Variants in UBE2E2 observed in about 807,000 individuals in gnomAD.
UBE2E2 encodes the protein ubiquitin-conjugating enzyme E2 E2.
Under a neutral mutation model 24.7 loss-of-function variants are expected in UBE2E2, and 6 were observed. The ratio of observed to expected loss-of-function variants is 0.24; its 90% CI spans 0.13 to 0.48. UBE2E2 has a LOEUF of 0.48. Among genes scored for constraint, UBE2E2 ranks in the 20% least tolerant of loss-of-function variants. The pLI is 0.99. For missense variants in UBE2E2, 169 were observed against 245.0 expected, an observed-to-expected ratio of 0.69 and a Z score of 2.07; for synonymous variants, 104 against 83.6, an observed-to-expected ratio of 1.24 and a Z score of -1.33.
At chr3:23,203,539 C>G (rs1023414446) in intron 1 of UBE2E2, 75 bp downstream of exon 1, 2 of 881,474 alleles carry the variant, frequency 2.3e-6, no homozygotes, top group Non-Finnish European at 2.7e-6. Flanking sequence ...CTCACTCCCC[C>G]GACCTCCCCT....
chr3:23,584,713 C>G (rs1240742884), intron 5 of UBE2E2, among the ~76,000 whole-genome samples: 6 of 150,180 alleles, frequency 4.0e-5, no homozygotes, highest in Admixed American at 4.0e-4. Context: ...GCCACCACAC[C>G]CAGCTGTTTT....
chr3:23,496,921 A>G lies in UBE2E2; in HGVS notation c.228-2687A>G, dbSNP rs149334220. 7.0e-3 allele frequency among the ~76,000 whole-genome samples: 1,064 copies of G among 152,304 alleles called. 12 individuals are homozygous for G. Among genetic ancestry groups the G allele is most frequent in the African/African-American group, 0.025 (1,024 of 41,560 alleles). ...CAAATTTAACTACTAATAATACCCT[A>G]CTTTTGACAAGAAGCCTTACTCATA... On this transcript the variant is annotated intron_variant, in intron 3 of 5. Coordinates refer to ENST00000396703, the MANE Select transcript of UBE2E2 (RefSeq NM_152653.4).
intron 3 of UBE2E2, among the ~76,000 whole-genome samples, chr3:23,470,503 G>A (rs2125433588): frequency 6.6e-6 from 1 of 152,222 alleles, no homozygotes; most frequent in East Asian, 1.9e-4. Flanking sequence ...CATCTTATTT[G>A]TAAGTTCTCT....
chr3:23,301,182 C>A (rs903427696), intron 3 of UBE2E2, among the ~76,000 whole-genome samples: 2 of 152,080 alleles, frequency 1.3e-5, no homozygotes, highest in Non-Finnish European at 2.9e-5. Context: ...GTTATCCATT[C>A]GTCTAATTTT....
At chr3:23,392,711 C>T (rs924185931) in intron 3 of UBE2E2, among the ~76,000 whole-genome samples, 3 of 152,044 alleles carry the variant, frequency 2.0e-5, no homozygotes, top group Non-Finnish European at 4.4e-5. Context: ...AAAATGTTAG[C>T]TCTTTTTATT....
At chr3:23,525,928 C>T (rs1375843623) in intron 4 of UBE2E2, among the ~76,000 whole-genome samples, 2 of 152,190 alleles carry the variant, frequency 1.3e-5, no homozygotes, top group Non-Finnish European at 2.9e-5. Context: ...TGTCACTATT[C>T]AAAACATTAT....
At chr3:23,534,860 A>G (rs1695213647) in intron 5 of UBE2E2, among the ~76,000 whole-genome samples, 2 of 152,242 alleles carry the variant, frequency 1.3e-5, no homozygotes, top group South Asian at 4.1e-4. Flanking sequence ...GAGCTATTTT[A>G]ACCCGGAAAT....
chr3:23,240,212 G>T (rs1371484660), intron 3 of UBE2E2, among the ~76,000 whole-genome samples: 2 of 152,130 alleles, frequency 1.3e-5, no homozygotes, highest in African/African-American at 4.8e-5. Context: ...CAGAGAATAA[G>T]GACAGTCCTT....
intron 3 of UBE2E2, among the ~76,000 whole-genome samples, chr3:23,381,714 T>C (rs1262530374): frequency 6.6e-6 from 1 of 152,242 alleles, no homozygotes; most frequent in Non-Finnish European, 1.5e-5. Context: ...TGCTGATAAC[T>C]TTTTCTGTCA....
At chr3:23,365,962 A>G (rs950961112) in intron 3 of UBE2E2, among the ~76,000 whole-genome samples, 3 of 152,310 alleles carry the variant, frequency 2.0e-5, no homozygotes, top group African/African-American at 4.8e-5. Flanking sequence ...AATGCCAGAC[A>G]TCTACAATCA....
chr3:23,460,504 A>G (rs1029199996), intron 3 of UBE2E2, among the ~76,000 whole-genome samples: 5 of 152,186 alleles, frequency 3.3e-5, no homozygotes, highest in African/African-American at 7.2e-5. Flanking sequence ...TAAGCCCTCT[A>G]TTGATAGGAA....
intron 3 of UBE2E2, among the ~76,000 whole-genome samples, chr3:23,354,215 A>G (rs1575581569): frequency 6.6e-6 from 1 of 152,040 alleles, no homozygotes; most frequent in Non-Finnish European, 1.5e-5. Context: ...TCCCTTCCTT[A>G]CACCTTATAC....
At chr3:23,394,361 A>G (rs1697025866) in intron 3 of UBE2E2, among the ~76,000 whole-genome samples, 2 of 152,218 alleles carry the variant, frequency 1.3e-5, no homozygotes, top group South Asian at 4.1e-4. Context: ...GAAATTGTGT[A>G]AATGGTCTGC....
intron 4 of UBE2E2, among the ~76,000 whole-genome samples, chr3:23,521,632 C>T (rs1249750943): frequency 1.3e-5 from 2 of 152,202 alleles, no homozygotes; most frequent in African/African-American, 4.8e-5. Flanking sequence ...AGGACAAGCT[C>T]ATCCAATCCG....
chr3:23,371,530 A>G (rs1405815852), intron 3 of UBE2E2, among the ~76,000 whole-genome samples: 1 of 152,160 alleles, frequency 6.6e-6, no homozygotes, highest in Non-Finnish European at 1.5e-5. Context: ...TTGAAATAAG[A>G]GTGGCTTTGT....
At chr3:23,463,339 G>C (rs1698852834) in intron 3 of UBE2E2, among the ~76,000 whole-genome samples, 1 of 152,106 alleles carries the variant, frequency 6.6e-6, no homozygotes, top group African/African-American at 2.4e-5. Flanking sequence ...ATTCCAGGCA[G>C]CTTGGAATTA....
At chr3:23,217,837 G>T (rs1476022944) in intron 3 of UBE2E2, among the ~76,000 whole-genome samples, 1 of 152,046 alleles carries the variant, frequency 6.6e-6, no homozygotes, top group Non-Finnish European at 1.5e-5. Context: ...TTATGATCAT[G>T]ACCTCGAATT....
At chr3:23,398,270 AC>A (rs1192629347) in intron 3 of UBE2E2, among the ~76,000 whole-genome samples, 3 of 146,120 alleles carry the variant, frequency 2.1e-5, no homozygotes, top group Non-Finnish European at 4.4e-5. Context: ...CTGAGATGGC[AC>A]CACTGCACTC....
chr3:23,314,716 G>C (rs1331164541), intron 3 of UBE2E2, among the ~76,000 whole-genome samples: 1 of 152,170 alleles, frequency 6.6e-6, no homozygotes, highest in Non-Finnish European at 1.5e-5. Context: ...ATTTTAACCA[G>C]ATATGCTTTT....
Sources: gnomAD v4.1 joint callset for allele counts (sites outside exome capture counted in the v4.1 genomes callset) on GRCh38, gnomAD v4.1.1 for gene constraint, MANE v1.5 for transcripts, NCBI Gene and HGNC (gene_info 2026-07-23, HGNC 2026-07-21) for gene names.